FAH: variants seen among roughly 807,000 people sequenced by gnomAD.
FAH encodes fumarylacetoacetase.
A neutral mutation model predicts 55.8 loss-of-function variants in FAH; 47 were observed. The ratio of observed to expected loss-of-function variants is 0.84; its 90% CI spans 0.67 to 1.07. The LOEUF (loss-of-function observed/expected upper bound fraction) is 1.07, where lower values mean the gene tolerates loss of function less well. Among genes scored for constraint, FAH ranks in the 50% least tolerant of loss-of-function variants. The pLI is 0.00. For synonymous variants in FAH, 199 were observed against 207.7 expected, an observed-to-expected ratio of 0.96 and a Z score of 0.36; for missense variants, 495 against 545.9, an observed-to-expected ratio of 0.91 and a Z score of 0.93.
At chr15:80,167,983 A>G in intron 5 of FAH, 69 bp from the exon 6 acceptor site, 1 of 1,296,446 alleles carries the variant, frequency 7.7e-7, no homozygotes. Flanking sequence ...TAGTTTTTGA[A>G]GTTTTTAAAG....
intron 7 of FAH, among the ~76,000 whole-genome samples, chr15:80,168,719 T>G (rs185295556): frequency 6.6e-6 from 1 of 152,322 alleles, no homozygotes; most frequent in Non-Finnish European, 1.5e-5. Flanking sequence ...GTGCCATGTT[T>G]TTTGCAGATC....
rs114312344 is a variant in FAH, at chr15:80,183,261, G to T, written c.1180+2102G>T. ...AAAATCCCCTGGAACCAAGAAAGAA[G>T]AATTATAATTTGCTAAGAGGAGAGG... On this transcript the variant is annotated intron_variant, in intron 13 of 13. Transcript: ENST00000561421. 4.6e-3 allele frequency among the ~76,000 whole-genome samples: 700 copies of T among 152,248 alleles called. 4 individuals carry two copies. The highest frequency in any genetic ancestry group is 0.016 in the African/African-American group (684 of 41,550).
intron 10 of FAH, among the ~76,000 whole-genome samples, chr15:80,177,027 G>A (rs796317862): frequency 2.1e-4 from 32 of 152,320 alleles, no homozygotes; most frequent in African/African-American, 7.5e-4. Context: ...GAAGTGGAAC[G>A]GCAACAGCCC....
At chr15:80,156,486 C>A (rs528515641) in intron 1 of FAH, 1 of 152,384 alleles carries the variant, frequency 6.6e-6, no homozygotes, top group Admixed American at 6.5e-5. Flanking sequence ...ATGCTTCCCC[C>A]TCTATGTCAG....
Position 80,158,049 on chromosome 15 carries a change from C to G in FAH, c.82-11C>G. The G allele has an allele frequency of 6.2e-7, 1 of 1,608,222 alleles. No homozygotes were observed. The highest frequency in any genetic ancestry group is 8.5e-7 in the Non-Finnish European group (1 of 1,174,718). The stretch of plus-strand genomic sequence containing the variant: ...CTTTTTCTGGTGCTGACGGTGTCGT[C>G]TTCCTCCTAGCCAAGACCGAGGATA... On this transcript the variant is annotated splice_polypyrimidine_tract_variant and intron_variant, in intron 1 of 13. Transcript: ENST00000561421.
chr15:80,180,178 A>G lies in FAH; in HGVS notation c.1015A>G (p.Asn339Asp). 1.2e-6 allele frequency: 2 copies of G among 1,610,550 alleles called. No homozygotes were observed. Among genetic ancestry groups the G allele is most frequent in the Non-Finnish European group, 1.7e-6 (2 of 1,179,978 alleles). The part of the protein sequence containing the change: ...QLTHHSVNGC[N>D]LRPGDLLASG... ...CACTCACCACTCTGTCAACGGCTGCAACCTGCGGCCGGGGGACCTCCTGGC... is the reference window on the plus strand; with the variant it reads ...CACTCACCACTCTGTCAACGGCTGCGACCTGCGGCCGGGGGACCTCCTGGC... The change falls in exon 12 of 14, where the codon AAC becomes GAC. Residue 339 changes from asparagine to aspartate, a missense_variant. Asn to Asp is a conservative substitution (Grantham distance 23). Coordinates refer to ENST00000561421, the MANE Select transcript of FAH (RefSeq NM_000137.4).
At chr15:80,158,193 G>A (rs773517549) in intron 2 of FAH, 23 bp downstream of exon 2, 56 of 1,528,322 alleles carry the variant, frequency 3.7e-5, no homozygotes, top group South Asian at 5.6e-5. Context: ...GAAACGACTT[G>A]TCCCTGACCT....
At chr15:80,158,361 G>A (rs1206221413) in intron 2 of FAH, among the ~76,000 whole-genome samples, 191 bp downstream of exon 2, 1 of 152,162 alleles carries the variant, frequency 6.6e-6, no homozygotes, top group African/African-American at 2.4e-5. Flanking sequence ...GACAATTCAG[G>A]GTGGCTTCTC....
At chr15:80,162,584 T>C (rs1208907340) in intron 5 of FAH, 7 of 554,914 alleles carry the variant, frequency 1.3e-5, no homozygotes, top group Non-Finnish European at 2.3e-5. Context: ...GGAATTAGAT[T>C]CCCTTAATCC....
intron 1 of FAH, chr15:80,156,475 C>G (rs1437473420): frequency 6.6e-6 from 1 of 152,282 alleles, no homozygotes; most frequent in Non-Finnish European, 1.5e-5. Flanking sequence ...ACACCAATCC[C>G]ATGCTTCCCC....
intron 7 of FAH, among the ~76,000 whole-genome samples, chr15:80,168,937 A>C (rs563408874): frequency 6.6e-6 from 1 of 152,344 alleles, no homozygotes; most frequent in East Asian, 1.9e-4. Context: ...AAGCATTTTT[A>C]AGCAGAAACA....
intron 9 of FAH, among the ~76,000 whole-genome samples, chr15:80,174,049 C>A (rs1406997151): frequency 2.0e-5 from 3 of 152,204 alleles, no homozygotes; most frequent in Non-Finnish European, 4.4e-5. Flanking sequence ...TCTTTCCTTG[C>A]AAGCCAGTTC....
chr15:80,173,569 C>G, intron 9 of FAH: 1 of 349,628 alleles, frequency 2.9e-6, no homozygotes, highest in South Asian at 2.2e-5. Context: ...CCTGCAGCCT[C>G]TGGTTCCCGG....
intron 13 of FAH, among the ~76,000 whole-genome samples, chr15:80,182,169 TG>T (rs1266179707): frequency 2.0e-5 from 3 of 152,172 alleles, no homozygotes; most frequent in African/African-American, 7.2e-5. Context: ...ACGGTCACAT[TG>T]TCGCCTCGTC....
chr15:80,168,936 T>G (rs1316754110), intron 7 of FAH, among the ~76,000 whole-genome samples: 1 of 152,232 alleles, frequency 6.6e-6, no homozygotes, highest in Admixed American at 6.5e-5. Context: ...AAAGCATTTT[T>G]AAGCAGAAAC....
Position 80,180,961 on chromosome 15 carries a change from C to T in FAH, c.1063-81C>T. 3 of 1,192,864 alleles carry T rather than the reference C, an allele frequency of 2.5e-6. No homozygotes were observed. In the South Asian group the frequency reaches 3.7e-5, roughly 15 times the overall value. The allele number at this position is 1,192,864 out of a possible 1,614,324, so 73.9% of individuals were successfully genotyped here. A position where few individuals can be genotyped will look rare whatever the true frequency, so the allele number is the denominator to read the frequency against. On this transcript the variant is annotated intron_variant, in intron 12 of 13. Coordinates refer to ENST00000561421, the MANE Select transcript of FAH (RefSeq NM_000137.4). ...GGGCCCCCTGCCACTTCTCGGGACT[C>T]CCAGGTCTTGCTGAGCATGGTCCAT...
At position 80,181,158 on chromosome 15, in the gene FAH, A is replaced by T. The variant is rs2041328139; in HGVS notation, c.1179A>T (p.Thr393=). The change falls in exon 13 of 14, where the codon ACA becomes ACT. Residue 393 remains threonine, a splice_region_variant and synonymous_variant. Coordinates refer to ENST00000561421, the MANE Select transcript of FAH (RefSeq NM_000137.4). The stretch of plus-strand genomic sequence containing the variant: ...TGGACGGGGATGAAGTCATCATAAC[A>T]GGTGAGGGCTGCCAAACCCAGCAGC... ...FLLDGDEVII[T]GYCQGDGYRI... 3.1e-6 allele frequency: 5 copies of T among 1,605,300 alleles called. No homozygotes were observed. The highest frequency in any genetic ancestry group is 3.3e-5 in the Admixed American group (2 of 59,970).
At chr15:80,159,435 G>A (rs1226644816) in intron 2 of FAH, among the ~76,000 whole-genome samples, 5 of 152,120 alleles carry the variant, frequency 3.3e-5, no homozygotes, top group African/African-American at 1.2e-4. Flanking sequence ...CTGCAGACTG[G>A]AGTGTGCCTC....
intron 11 of FAH, 69 bp from the exon 12 acceptor site, chr15:80,180,055 C>G: frequency 9.0e-7 from 1 of 1,110,480 alleles, no homozygotes; most frequent in Non-Finnish European, 1.3e-6. Flanking sequence ...GCAGGCTGTG[C>G]CCAGCTGCCT....
Sources: gnomAD v4.1 joint callset for allele counts (sites outside exome capture counted in the v4.1 genomes callset) on GRCh38, gnomAD v4.1.1 for gene constraint, MANE v1.5 for transcripts, NCBI Gene and HGNC (gene_info 2026-07-23, HGNC 2026-07-21) for gene names.